The following PPP2R2B variants were observed in gnomAD, a reference collection of about 807,000 sequenced individuals.
PPP2R2B encodes protein phosphatase 2 regulatory subunit Bbeta.
Under a neutral mutation model 46.0 loss-of-function variants are expected in PPP2R2B, and 5 were observed. The observed-to-expected ratio is 0.11, with a 90% CI of 0.06 to 0.23. The LOEUF is 0.23. Among genes scored for constraint, PPP2R2B ranks in the 10% least tolerant of loss-of-function variants. PPP2R2B has a pLI of 1.00. For missense variants in PPP2R2B, 367 were observed against 575.0 expected, an observed-to-expected ratio of 0.64 and a Z score of 3.70; for synonymous variants, 215 against 206.7, an observed-to-expected ratio of 1.04 and a Z score of -0.34.
intron 6 of PPP2R2B, among the ~76,000 whole-genome samples, chr5:146,641,794 A>T (rs901637479): frequency 6.6e-6 from 1 of 152,170 alleles, no homozygotes; most frequent in African/African-American, 2.4e-5. Flanking sequence ...GAAGATGAGC[A>T]ATTCGTGGCT....
At chr5:146,911,380 C>T (rs933324285) in intron 1 of PPP2R2B, among the ~76,000 whole-genome samples, 8 of 152,122 alleles carry the variant, frequency 5.3e-5, no homozygotes, top group African/African-American at 1.9e-4. Context: ...CGGTGGCCAG[C>T]CTCTTGACTT....
chr5:147,079,416 CACAA>C (rs1400294220), intron 2 of PPP2R2B, among the ~76,000 whole-genome samples: 52 of 129,366 alleles, frequency 4.0e-4, no homozygotes, highest in African/African-American at 1.4e-3. Flanking sequence ...ATAATATACA[CACAA>C]ACACACACAC....
chr5:146,822,995 T>C (rs2151335815), intron 2 of PPP2R2B, among the ~76,000 whole-genome samples: 1 of 152,252 alleles, frequency 6.6e-6, no homozygotes, highest in Middle Eastern at 3.4e-3. Context: ...CTTTTGTTTT[T>C]CTTTATATTT....
chr5:146,826,580 G>A (rs957855390), intron 2 of PPP2R2B, among the ~76,000 whole-genome samples: 13 of 152,156 alleles, frequency 8.5e-5, no homozygotes, highest in Non-Finnish European at 1.5e-4. Context: ...AATTTACCAA[G>A]TCAGTATCCA....
Position 146,852,375 on chromosome 5 carries a change from T to C in PPP2R2B, c.70+25627A>G, listed in dbSNP as rs142063265. Among the ~76,000 whole-genome samples the C allele has an allele frequency of 1.2e-3, 176 of 152,244 alleles. 1 individual carries two copies. In the East Asian group the frequency reaches 0.02, roughly 17 times the overall value. On this transcript the variant is annotated intron_variant, in intron 2 of 9. Transcript: ENST00000394411. ...TTTAACCTAACAAATCATAGCCTGA[T>C]TACAGGTCATTAGTGACCATTAATA...
chr5:146,825,836 C>G (rs1168078671), intron 2 of PPP2R2B, among the ~76,000 whole-genome samples: 1 of 152,194 alleles, frequency 6.6e-6, no homozygotes, highest in Non-Finnish European at 1.5e-5. Flanking sequence ...AAGCATTTAT[C>G]ATGCCACTTT....
At chr5:146,740,992 G>A (rs911965010) in intron 2 of PPP2R2B, among the ~76,000 whole-genome samples, 18 of 150,062 alleles carry the variant, frequency 1.2e-4, no homozygotes, top group African/African-American at 3.7e-4. Flanking sequence ...AGCTGAGATC[G>A]TGCCACCGCA....
At chr5:146,812,559 GTATATATATA>G (rs756797458) in intron 2 of PPP2R2B, among the ~76,000 whole-genome samples, 1 of 1,840 alleles carries the variant, frequency 5.4e-4, no homozygotes, top group Non-Finnish European at 1.0e-3. Flanking sequence ...CCTCAGAAGA[GTATATATATA>G]TATATATATA....
chr5:146,660,182 T>C (rs1014098746), intron 5 of PPP2R2B, among the ~76,000 whole-genome samples: 3 of 152,220 alleles, frequency 2.0e-5, no homozygotes, highest in African/African-American at 7.2e-5. Flanking sequence ...GTACCCATTA[T>C]TGAAGGGTAA....
chr5:146,872,683 C>T (rs537694100), intron 2 of PPP2R2B, among the ~76,000 whole-genome samples: 10 of 152,186 alleles, frequency 6.6e-5, no homozygotes, highest in Admixed American at 1.3e-4. Flanking sequence ...AACCTGGAGA[C>T]GTTCTAAACT....
At chr5:146,689,699 A>G (rs1394140263) in intron 5 of PPP2R2B, among the ~76,000 whole-genome samples, 1 of 152,194 alleles carries the variant, frequency 6.6e-6, no homozygotes, top group African/African-American at 2.4e-5. Context: ...CTGACTCAAC[A>G]ATAATACTCT....
chr5:146,765,540 T>C (rs1754424759), intron 2 of PPP2R2B, among the ~76,000 whole-genome samples: 2 of 152,236 alleles, frequency 1.3e-5, no homozygotes, highest in South Asian at 4.1e-4. Context: ...TGACTTATTA[T>C]TGGTAACATC....
At chr5:146,797,310 C>T (rs1756599937) in intron 2 of PPP2R2B, among the ~76,000 whole-genome samples, 1 of 152,134 alleles carries the variant, frequency 6.6e-6, no homozygotes, top group Non-Finnish European at 1.5e-5. Flanking sequence ...CTAATTTTTT[C>T]ATTTCCACAA....
intron 6 of PPP2R2B, among the ~76,000 whole-genome samples, chr5:146,648,178 A>C (rs1775711857): frequency 2.6e-5 from 4 of 152,190 alleles, no homozygotes; most frequent in Admixed American, 2.6e-4. Context: ...TTTTTAGGGC[A>C]TGGCTCAGAG....
At chr5:146,617,763 C>A (rs949033865) in intron 7 of PPP2R2B, among the ~76,000 whole-genome samples, 1 of 151,506 alleles carries the variant, frequency 6.6e-6, no homozygotes, top group Non-Finnish European at 1.5e-5. Flanking sequence ...GGCGCGATCT[C>A]AGCTCACTGC....
At chr5:146,995,123 G>A (rs1198468172) in intron 1 of PPP2R2B, among the ~76,000 whole-genome samples, 1 of 152,122 alleles carries the variant, frequency 6.6e-6, no homozygotes, top group Non-Finnish European at 1.5e-5. Flanking sequence ...ATCTTCATCT[G>A]GGCGTCTAAT....
chr5:146,674,798 C>T (rs944614713), intron 5 of PPP2R2B, among the ~76,000 whole-genome samples: 3 of 152,124 alleles, frequency 2.0e-5, no homozygotes, highest in Non-Finnish European at 2.9e-5. Flanking sequence ...CCAGTCTCCC[C>T]CAAAGTGTTA....
At chr5:146,886,932 C>T (rs892243286) in intron 1 of PPP2R2B, among the ~76,000 whole-genome samples, 4 of 151,428 alleles carry the variant, frequency 2.6e-5, no homozygotes, top group African/African-American at 7.3e-5. Flanking sequence ...TCAAGAGACA[C>T]ATAAAACAAT....
chr5:146,669,675 CT>C lies in PPP2R2B; in HGVS notation c.448-18952del, dbSNP rs1777221032. Among the ~76,000 whole-genome samples the C allele has an allele frequency of 2.0e-5, 3 of 152,142 alleles. No individual in the cohort carries two copies. In the South Asian group the frequency reaches 6.2e-4, roughly 32 times the overall value. ...CCCTTTAAAAAGTGCTTACTGTCCCCTGTATGCTTTACATACGTTACCTCCT... is the reference window on the plus strand; with the variant it reads ...CCCTTTAAAAAGTGCTTACTGTCCCCGTATGCTTTACATACGTTACCTCCT... On this transcript the variant is annotated intron_variant, in intron 5 of 9. Coordinates refer to ENST00000394411, the MANE Select transcript of PPP2R2B (RefSeq NM_181675.4).
Sources: gnomAD v4.1 joint callset for allele counts (sites outside exome capture counted in the v4.1 genomes callset) on GRCh38, gnomAD v4.1.1 for gene constraint, MANE v1.5 for transcripts, NCBI Gene and HGNC (gene_info 2026-07-23, HGNC 2026-07-21) for gene names.